The following PPM1B variants were observed in gnomAD, a reference collection of about 807,000 sequenced individuals.
The protein encoded by PPM1B is protein phosphatase 1B.
Under a neutral mutation model 43.0 loss-of-function variants are expected in PPM1B, and 22 were observed. The ratio of observed to expected loss-of-function variants is 0.51; its 90% CI spans 0.37 to 0.73. The LOEUF is 0.73. PPM1B is among the 30% of genes least tolerant of loss of function. The pLI is 0.00. For synonymous variants in PPM1B, 217 were observed against 197.9 expected (o/e 1.10, Z -0.81); for missense variants, 632 against 584.2 (o/e 1.08, Z -0.84).
chr2:44,230,615 C>A lies in PPM1B; in HGVS notation c.1337C>A (p.Pro446Gln). 1 of 1,614,134 alleles carries A rather than the reference C, an allele frequency of 6.2e-7. No individual in the cohort carries two copies. Among genetic ancestry groups the A allele is most frequent in the Non-Finnish European group, 8.5e-7 (1 of 1,180,004 alleles). ...ATSSNSDAGN[P>Q]VTMQESHTES... ...TCTTCGAACAGTGATGCTGGAAACC[C>A]AGTGACAATGCAGGAAAGCCATACT... Residue 446 changes from proline (P) to glutamine (Q), a missense_variant, in exon 6 of 6, where the codon CCA (proline) becomes CAA (glutamine). This residue lies in a region of PPM1B where 392 missense variants were observed against 302.7 expected (regional missense o/e 1.29). Transcript: ENST00000282412.
intron 1 of PPM1B, among the ~76,000 whole-genome samples, chr2:44,192,190 G>GGTATTGTATTGTATTGTATTGTATT (rs147906873): frequency 1.8e-3 from 253 of 143,632 alleles, no homozygotes; most frequent in African/African-American, 5.5e-3. Context: ...GTTATGTTAT[G>GGTATTGTATTGTATTGTATTGTATT]GTATTGTATT....
chr2:44,240,895 G>A (rs765687029), intron 5 of PPM1B, among the ~76,000 whole-genome samples: 3 of 146,238 alleles, frequency 2.1e-5, no homozygotes, highest in Non-Finnish European at 4.6e-5. Flanking sequence ...ACATGATGCT[G>A]AGAGAAAGCA....
chr2:44,204,527 T>C (rs1669077012), intron 2 of PPM1B, among the ~76,000 whole-genome samples: 1 of 152,162 alleles, frequency 6.6e-6, no homozygotes, highest in Admixed American at 6.5e-5. Flanking sequence ...ATCATAATCA[T>C]AATCGTGGTA....
At chr2:44,225,588 T>G (rs1285558271) in intron 5 of PPM1B, among the ~76,000 whole-genome samples, 1 of 152,264 alleles carries the variant, frequency 6.6e-6, no homozygotes, top group Non-Finnish European at 1.5e-5. Flanking sequence ...TTAGTGATTC[T>G]GTAATGTCAG....
At chr2:44,235,655 C>T (rs1436968171), downstream of PPM1B, among the ~76,000 whole-genome samples, 1 of 149,376 alleles carries the variant, frequency 6.7e-6, no homozygotes, top group African/African-American at 2.5e-5. Context: ...TAGCTTATGC[C>T]TGTAATAAAG....
intron 1 of PPM1B, among the ~76,000 whole-genome samples, chr2:44,176,134 T>C (rs1667571173): frequency 6.6e-6 from 1 of 152,168 alleles, no homozygotes. Flanking sequence ...ATCCCTGCAT[T>C]AGACAGACAT....
At chr2:44,213,153 A>G (rs1282580686) in intron 3 of PPM1B, among the ~76,000 whole-genome samples, 4 of 137,050 alleles carry the variant, frequency 2.9e-5, no homozygotes, top group African/African-American at 8.3e-5. Flanking sequence ...GAAGCTAAGT[A>G]TCATAATCTT....
At chr2:44,228,533 C>T (rs573886738) in intron 5 of PPM1B, among the ~76,000 whole-genome samples, 5 of 152,158 alleles carry the variant, frequency 3.3e-5, no homozygotes, top group Middle Eastern at 3.4e-3. Flanking sequence ...TAAAACATTG[C>T]CATTTATTAT....
In PPM1B at chr2:44,172,199, G is replaced by C. The variant is rs17032024; in HGVS notation, c.-15+2925G>C. ...TTCAGTTATTCTTCACACTGTACCT[G>C]ATTTCTTTTTGTTTTTCCCTTGCTG... is the stretch of plus-strand genomic sequence containing the variant. On this transcript the variant is annotated intron_variant, in intron 1 of 5. Coordinates refer to ENST00000282412, the MANE Select transcript of PPM1B (RefSeq NM_002706.6). 4.8e-3 allele frequency among the ~76,000 whole-genome samples: 732 copies of C among 152,180 alleles called. 7 individuals carry two copies. The highest frequency in any genetic ancestry group is 0.017 in the African/African-American group (691 of 41,528).
chr2:44,188,544 G>A (rs373463603), intron 1 of PPM1B, among the ~76,000 whole-genome samples: 60 of 151,762 alleles, frequency 4.0e-4, no homozygotes, highest in African/African-American at 1.3e-3. Flanking sequence ...TCACAGGCAC[G>A]CGCCAGCATG....
chr2:44,244,838 T>TAC (rs57666659), downstream of PPM1B, among the ~76,000 whole-genome samples: 94 of 144,544 alleles, frequency 6.5e-4, no homozygotes, highest in African/African-American at 1.2e-3. Flanking sequence ...TATATATATA[T>TAC]ACACACACAC....
chr2:44,231,667 A>G (rs1211075029), downstream of PPM1B, among the ~76,000 whole-genome samples: 4 of 152,124 alleles, frequency 2.6e-5, no homozygotes, highest in Admixed American at 6.5e-5. Flanking sequence ...TCTTTTTCTT[A>G]TCCATCTTTT....
intron 5 of PPM1B, chr2:44,244,122 T>C (rs1308388119): frequency 2.3e-6 from 1 of 438,406 alleles, no homozygotes; most frequent in East Asian, 1.1e-4. Flanking sequence ...ATTTTAAATG[T>C]ATACCTTCTT....
chr2:44,195,328 C>A (rs749461392), intron 1 of PPM1B, among the ~76,000 whole-genome samples: 4 of 152,014 alleles, frequency 2.6e-5, no homozygotes, highest in Non-Finnish European at 4.4e-5. Context: ...CTCAGCCTCC[C>A]AAGTAGCTGG....
At chr2:44,238,405 AAAG>A (rs958852463), downstream of PPM1B, among the ~76,000 whole-genome samples, 1 of 152,174 alleles carries the variant, frequency 6.6e-6, no homozygotes, top group Non-Finnish European at 1.5e-5. Context: ...TATACTCTTG[AAAG>A]TTACTGGGTT....
At chr2:44,219,811 C>T (rs893626408) in intron 5 of PPM1B, among the ~76,000 whole-genome samples, 1 of 151,816 alleles carries the variant, frequency 6.6e-6, no homozygotes, top group African/African-American at 2.4e-5. Flanking sequence ...GGCATGGTGG[C>T]GCATGTCTGT....
chr2:44,176,518 C>T (rs774762937), intron 1 of PPM1B, among the ~76,000 whole-genome samples: 35 of 152,166 alleles, frequency 2.3e-4, no homozygotes, highest in Admixed American at 2.1e-3. Flanking sequence ...TGTTGTATTA[C>T]TTAACGTCGT....
At position 44,219,994 on chromosome 2, in the gene PPM1B, A is replaced by G. The variant is rs536311923; in HGVS notation, c.1134+1457A>G. Among the ~76,000 whole-genome samples, 4 of 152,146 alleles carry G rather than the reference A, an allele frequency of 2.6e-5. No homozygotes were observed. The South Asian group carries it at 8.3e-4, about 32-fold the overall frequency. ...GCTGAGAAAATTAATTTAAAAATCC[A>G]AATATTTTATGTGATCCATCAGAGA... On this transcript the variant is annotated intron_variant, in intron 5 of 5. Coordinates refer to ENST00000282412, the MANE Select transcript of PPM1B (RefSeq NM_002706.6).
At position 44,201,656 on chromosome 2, in the gene PPM1B, C is replaced by T. The variant is rs1385452882; in HGVS notation, c.457C>T (p.Arg153Cys). ...CTACTTTATCAACTGTGGTGATTCACGTGCTGTTCTGTATAGGAATGGACA... is the reference window on the plus strand; with the variant it reads ...CTACTTTATCAACTGTGGTGATTCATGTGCTGTTCTGTATAGGAATGGACA... ...HIYFINCGDS[R>C]AVLYRNGQVC... is the part of the protein sequence containing the mutation. The change falls in exon 2 of 6, where the codon CGT becomes TGT. Residue 153 changes from arginine (R) to cysteine (C), a missense_variant. By Grantham distance (180) the Arg-to-Cys change is radical. Transcript: ENST00000282412. This position sits in a 1 kb window ranked among gnomAD's most constrained non-coding sequence, Gnocchi z 5.4. The T allele has an allele frequency of 1.9e-6, 3 of 1,614,066 alleles. No individual in the cohort carries two copies. Among genetic ancestry groups the T allele is most frequent in the Non-Finnish European group, 2.5e-6 (3 of 1,180,036 alleles).
Sources: allele counts gnomAD v4.1 joint callset (sites outside exome capture counted in the v4.1 genomes callset), GRCh38; gene constraint gnomAD v4.1.1; regional missense constraint gnomAD v4.1.1; non-coding constraint Gnocchi (gnomAD v3.1); transcripts MANE v1.5; gene names NCBI Gene and HGNC (gene_info 2026-07-23, HGNC 2026-07-21).